TRPC4: variants seen among roughly 807,000 people sequenced by gnomAD.
TRPC4 encodes short transient receptor potential channel 4.
In TRPC4, 49 loss-of-function variants were observed where a neutral mutation model predicts 99.4. The observed-to-expected ratio is 0.49, with a 90% CI of 0.39 to 0.63. TRPC4 has a LOEUF of 0.63. TRPC4 is among the 20% of genes least tolerant of loss of function. The pLI is 0.00. For missense variants in TRPC4, 898 were observed against 1,152.9 expected (o/e 0.78, Z 3.20); for synonymous variants, 454 against 425.9 (o/e 1.07, Z -0.81).
intron 1 of TRPC4, among the ~76,000 whole-genome samples, chr13:37,849,254 C>T (rs1055869121): frequency 6.6e-6 from 1 of 152,066 alleles, no homozygotes; most frequent in African/African-American, 2.4e-5. Context: ...TTCATCTATA[C>T]CATCAAATAC....
At chr13:37,657,814 A>G (rs562856645) in intron 6 of TRPC4, among the ~76,000 whole-genome samples, 2 of 152,304 alleles carry the variant, frequency 1.3e-5, no homozygotes, top group South Asian at 4.1e-4. Flanking sequence ...AAAAATTTAA[A>G]GGGGAAAATT....
chr13:37,798,993 G>A (rs1383546011), intron 1 of TRPC4, among the ~76,000 whole-genome samples: 3 of 149,292 alleles, frequency 2.0e-5, no homozygotes, highest in Admixed American at 6.7e-5. Flanking sequence ...ATACAGTGGC[G>A]TGATCTCCGC....
At chr13:37,653,320 T>C (rs1354240085) in intron 7 of TRPC4, among the ~76,000 whole-genome samples, 1 of 152,080 alleles carries the variant, frequency 6.6e-6, no homozygotes, top group Non-Finnish European at 1.5e-5. Context: ...CCTACATAAG[T>C]GCTTCTGCCT....
chr13:37,647,991 G>A (rs201708246), intron 8 of TRPC4, among the ~76,000 whole-genome samples: 1 of 152,108 alleles, frequency 6.6e-6, no homozygotes, highest in Non-Finnish European at 1.5e-5. Flanking sequence ...TCACCAGGCT[G>A]GAGTGCAGTG....
intron 1 of TRPC4, among the ~76,000 whole-genome samples, chr13:37,850,671 A>AT (rs1355400206): frequency 6.6e-6 from 1 of 152,196 alleles, no homozygotes; most frequent in East Asian, 1.9e-4. Context: ...CTGTGATTAA[A>AT]TTATATGTAG....
Position 37,738,700 on chromosome 13 carries a change from C to T in TRPC4, c.897+7237G>A, listed in dbSNP as rs147502500. ...GGAATAGGGCCAACGTCAAGAGATG[C>T]CTGATATAAAGGCCTAGAAGGGGAA... On this transcript the variant is annotated intron_variant, in intron 3 of 10. Coordinates refer to ENST00000379705, the MANE Select transcript of TRPC4 (RefSeq NM_016179.4). 1.4e-3 allele frequency among the ~76,000 whole-genome samples: 214 copies of T among 152,174 alleles called. 2 individuals carry two copies. The highest frequency in any genetic ancestry group is 8.3e-3 in the Admixed American group (127 of 15,264).
At chr13:37,849,539 C>T (rs1959001878) in intron 1 of TRPC4, among the ~76,000 whole-genome samples, 1 of 152,124 alleles carries the variant, frequency 6.6e-6, no homozygotes, top group Non-Finnish European at 1.5e-5. Context: ...TTGGACATGA[C>T]CAAGCAGCCA....
At chr13:37,672,202 G>A (rs767516819) in intron 5 of TRPC4, among the ~76,000 whole-genome samples, 5 of 152,086 alleles carry the variant, frequency 3.3e-5, no homozygotes, top group Admixed American at 2.0e-4. Flanking sequence ...TACTCACTAC[G>A]TACCAGAGTT....
chr13:37,797,890 A>G (rs2139418233), intron 1 of TRPC4, among the ~76,000 whole-genome samples: 1 of 152,214 alleles, frequency 6.6e-6, no homozygotes, highest in African/African-American at 2.4e-5. Flanking sequence ...ACAGTCATCA[A>G]CCCTATGACA....
At chr13:37,781,215 G>T (rs1374863091) in intron 2 of TRPC4, among the ~76,000 whole-genome samples, 1 of 152,004 alleles carries the variant, frequency 6.6e-6, no homozygotes, top group East Asian at 1.9e-4. Context: ...AACTAAGAAG[G>T]TTCTTTAGTA....
intron 2 of TRPC4, among the ~76,000 whole-genome samples, chr13:37,747,093 G>T (rs146088839): frequency 6.6e-6 from 1 of 152,074 alleles, no homozygotes; most frequent in Admixed American, 6.6e-5. Flanking sequence ...TGTTTTATTA[G>T]AAATAAGCAA....
chr13:37,648,751 C>T (rs1951926324), intron 8 of TRPC4, among the ~76,000 whole-genome samples: 1 of 152,150 alleles, frequency 6.6e-6, no homozygotes, highest in South Asian at 2.1e-4. Flanking sequence ...CTGAGAGCTC[C>T]TCTTTGCTTC....
intron 1 of TRPC4, among the ~76,000 whole-genome samples, chr13:37,837,770 G>A (rs906433012): frequency 1.3e-5 from 2 of 152,148 alleles, no homozygotes; most frequent in African/African-American, 4.8e-5. Context: ...AGGCATGATT[G>A]GTTTTGAAAT....
At chr13:37,829,515 T>A (rs904267247) in intron 1 of TRPC4, among the ~76,000 whole-genome samples, 8 of 152,210 alleles carry the variant, frequency 5.3e-5, no homozygotes, top group Non-Finnish European at 1.0e-4. Flanking sequence ...ATGGGAATCT[T>A]TGTGCATTGC....
intron 1 of TRPC4, among the ~76,000 whole-genome samples, chr13:37,832,556 A>G (rs1244236429): frequency 6.6e-6 from 1 of 152,082 alleles, no homozygotes; most frequent in African/African-American, 2.4e-5. Flanking sequence ...AACAACAACA[A>G]CAAAAACTCA....
At chr13:37,654,051 G>T (rs1952138314) in intron 7 of TRPC4, among the ~76,000 whole-genome samples, 12 of 152,028 alleles carry the variant, frequency 7.9e-5, no homozygotes, top group Admixed American at 7.9e-4. Flanking sequence ...TATGCATTTG[G>T]AATACTTTAG....
At chr13:37,739,406 A>T (rs1955509501) in intron 3 of TRPC4, among the ~76,000 whole-genome samples, 2 of 152,130 alleles carry the variant, frequency 1.3e-5, no homozygotes, top group South Asian at 4.2e-4. Context: ...CACCATAAGG[A>T]CTATGGTGTT....
intron 1 of TRPC4, among the ~76,000 whole-genome samples, chr13:37,831,493 A>G (rs1958420532): frequency 6.6e-6 from 1 of 152,182 alleles, no homozygotes; most frequent in African/African-American, 2.4e-5. Flanking sequence ...AAAAAACAAA[A>G]TGGAATCACC....
intron 2 of TRPC4, among the ~76,000 whole-genome samples, chr13:37,754,818 C>T (rs537373644): frequency 6.6e-6 from 1 of 152,090 alleles, no homozygotes; most frequent in African/African-American, 2.4e-5. Flanking sequence ...TAACACACAG[C>T]ATTAAATGTT....
Sources: allele counts gnomAD v4.1 joint callset (sites outside exome capture counted in the v4.1 genomes callset), GRCh38; gene constraint gnomAD v4.1.1; transcripts MANE v1.5; gene names NCBI Gene and HGNC (gene_info 2026-07-23, HGNC 2026-07-21).